TTN: variants seen among roughly 807,000 people sequenced by gnomAD.
The protein encoded by TTN is titin.
A neutral mutation model predicts 3,223.0 loss-of-function variants in TTN; 1,525 were observed. The observed-to-expected ratio is 0.47, with a 90% CI of 0.45 to 0.49. TTN has a LOEUF of 0.49. Ranked by LOEUF, TTN falls within the 20% of genes least tolerant of loss-of-function variation. The pLI is 0.00. For missense variants in TTN, 40,786 were observed against 43,424.0 expected, an observed-to-expected ratio of 0.94 and a Z score of 5.40; for synonymous variants, 14,094 against 15,161.0, an observed-to-expected ratio of 0.93 and a Z score of 5.17.
At chr2:178,615,042 C>A (rs929918165) in intron 259 of TTN, 74 bp from the exon 260 acceptor site, 4 of 1,310,640 alleles carry the variant, frequency 3.1e-6, no homozygotes, top group Middle Eastern at 2.1e-4. Flanking sequence ...CATAATCTTT[C>A]AAAAATTCAA....
chr2:178,774,583 GTATT>G, intron 29 of TTN, 110 bp from the exon 30 acceptor site: 1 of 1,021,752 alleles, frequency 9.8e-7, no homozygotes, highest in Admixed American at 2.4e-5. Flanking sequence ...ACTATCAGGT[GTATT>G]CTTAATATCT....
intron 100 of TTN, 64 bp downstream of exon 100, chr2:178,707,462 A>T (rs905986132): frequency 6.7e-7 from 1 of 1,485,136 alleles, no homozygotes; most frequent in East Asian, 2.3e-5. Flanking sequence ...GGGAAATCAT[A>T]ATAAGCAAAT....
rs756434452 is a variant in TTN at position 178,531,480 on chromosome 2, A to G, written c.105135T>C (p.Asp35045=). 14 of 1,613,794 alleles carry G rather than the reference A, an allele frequency of 8.7e-6. No individual in the cohort carries two copies. Among genetic ancestry groups the G allele is most frequent in the Non-Finnish European group, 1.1e-5 (13 of 1,179,892 alleles). ...GGAAAACAGATCTGGGGACCTCTTCATCTCTGCGTTGGGAAGCATAGGTGG... is the reference window on the plus strand; with the variant it reads ...GGAAAACAGATCTGGGGACCTCTTCGTCTCTGCGTTGGGAAGCATAGGTGG... ...DYTTYASQRR[D]EEVPRSVFPE... is the part of the protein sequence containing the mutation. Residue 35045 remains aspartate, a synonymous_variant, in exon 358 of 363, where the codon GAT becomes GAC. Coordinates refer to ENST00000589042, the MANE Select transcript of TTN (RefSeq NM_001267550.2).
chr2:178,607,410 C>G lies in TTN; in HGVS notation c.53278G>C (p.Glu17760Gln). 6.2e-7 allele frequency: 1 copy of G among 1,613,098 alleles called. No individual in the cohort carries two copies. The highest frequency in any genetic ancestry group is 1.3e-5 in the African/African-American group (1 of 74,984). The change falls in exon 277 of 363, where the codon GAA becomes CAA. Residue 17760 changes from glutamate to glutamine, a missense_variant. Coordinates refer to ENST00000589042, the MANE Select transcript of TTN (RefSeq NM_001267550.2). ...CGSKFAAARV[E>Q]VFDVPGPVLD... is the part of the protein sequence containing the mutation. Reference sequence around the variant, plus strand: ...GTGCAACATTCCTTACCAAAAACTTCTACCCTGGCTGCTGCAAATTTGGAA... The same window carrying G: ...GTGCAACATTCCTTACCAAAAACTTGTACCCTGGCTGCTGCAAATTTGGAA...
At position 178,531,663 on chromosome 2, in the gene TTN, T is replaced by G. The variant is rs1434654451; in HGVS notation, c.104952A>C (p.Glu34984Asp). ...TGTTGGTGTAATGAATCTTACTGCT[T>G]TCTTGGAGTTCCACACCATTGTGGT... ...KWYHNGVELQ[E>D]SSKIHYTNTS... The change falls in exon 358 of 363, where the codon GAA (glutamate) becomes GAC (aspartate). Residue 34984 changes from glutamate to aspartate, a missense_variant. By Grantham distance (45) the Glu-to-Asp change is conservative. Coordinates refer to ENST00000589042, the MANE Select transcript of TTN (RefSeq NM_001267550.2). 13 of 1,613,864 alleles carry G rather than the reference T, an allele frequency of 8.1e-6. No individual in the cohort carries two copies. The highest frequency in any genetic ancestry group is 1.3e-5 in the African/African-American group (1 of 74,912).
Position 178,664,114 on chromosome 2 carries a change from T to C in TTN, c.36281-16A>G. On this transcript the variant is annotated splice_polypyrimidine_tract_variant and intron_variant, in intron 168 of 362. Coordinates refer to ENST00000589042, the MANE Select transcript of TTN (RefSeq NM_001267550.2). ...GCTTCGTGCACTTGAAAGATATTAGTATTTTTACACTCAGAAAATACAGAG... is the reference window on the plus strand; with the variant it reads ...GCTTCGTGCACTTGAAAGATATTAGCATTTTTACACTCAGAAAATACAGAG... 2 of 1,597,194 alleles carry C rather than the reference T, an allele frequency of 1.3e-6. No homozygotes were observed. Among genetic ancestry groups the C allele is most frequent in the Middle Eastern group, 1.7e-4 (1 of 5,968 alleles).
In TTN at chr2:178,734,888, C is replaced by G; in HGVS notation, c.15036G>C (p.Gln5012His). 6.2e-7 allele frequency: 1 copy of G among 1,613,426 alleles called. No homozygotes were observed. The highest frequency in any genetic ancestry group is 2.2e-5 in the East Asian group (1 of 44,770). Residue 5012 changes from glutamine (Q) to histidine (H), a missense_variant, in exon 51 of 363, where the codon CAG becomes CAC. Physicochemically the swap from Gln to His is conservative, Grantham distance 24. Coordinates refer to ENST00000589042, the MANE Select transcript of TTN (RefSeq NM_001267550.2). ...HCKLKGSPVI[Q>H]VTWFKNNKEL... ...CTTTGTTATTTTTAAACCAAGTAAC[C>G]TGGATCACAGGTGAGCCTTTCAGCT...
intron 80 of TTN, 53 bp from the exon 81 acceptor site, chr2:178,720,317 C>T (rs2078149356): frequency 2.5e-6 from 4 of 1,592,912 alleles, no homozygotes; most frequent in Admixed American, 3.4e-5. Context: ...CATGGCCACA[C>T]AAGTTATTAG....
chr2:178,572,016 G>A lies in TTN; in HGVS notation c.74116C>T (p.Pro24706Ser). 3 of 1,613,160 alleles carry A rather than the reference G, an allele frequency of 1.9e-6. No individual in the cohort carries two copies. Among genetic ancestry groups the A allele is most frequent in the Non-Finnish European group, 2.5e-6 (3 of 1,179,548 alleles). ...GISDPRQLSV[P>S]VIAKDLVIPP... is the part of the protein sequence containing the mutation. The stretch of plus-strand genomic sequence containing the variant: ...ATGACAAGATCTTTGGCGATCACTG[G>A]CACACTCAGTTGTCTAGGATCACTG... Residue 24706 changes from proline (P) to serine (S), a missense_variant, in exon 326 of 363, where the codon CCA becomes TCA. Physicochemically the swap from Pro to Ser is moderately conservative, Grantham distance 74 (BLOSUM62 -1). Coordinates refer to ENST00000589042, the MANE Select transcript of TTN (RefSeq NM_001267550.2).
chr2:178,630,103 A>T, intron 239 of TTN, 138 bp downstream of exon 239: 1 of 1,229,338 alleles, frequency 8.1e-7, no homozygotes, highest in Non-Finnish European at 1.1e-6. Flanking sequence ...GGAATGTCAA[A>T]GTGGCAAATA....
intron 33 of TTN, among the ~76,000 whole-genome samples, chr2:178,772,443 G>A (rs1574600948): frequency 6.6e-6 from 1 of 152,108 alleles, no homozygotes; most frequent in East Asian, 1.9e-4. Context: ...ATGACTTCTA[G>A]TTTTTTCTGG....
rs372528823 is a variant in TTN, at chr2:178,712,424, C to T, written c.27498G>A (p.Ser9166=). ...QRCNITTTEK[S]AILEIPSSTV... ...TGCTACTTGGAATTTCCAGGATTGC[C>T]GATTTTTCAGTCGTAGTTATATTAC... Residue 9166 remains serine (S), a synonymous_variant, in exon 95 of 363, where the codon TCG becomes TCA. Coordinates refer to ENST00000589042, the MANE Select transcript of TTN (RefSeq NM_001267550.2). 2.6e-4 allele frequency: 413 copies of T among 1,613,580 alleles called. No individual in the cohort carries two copies. Among genetic ancestry groups the T allele is most frequent in the Non-Finnish European group, 3.1e-4 (371 of 1,179,778 alleles).
rs2091798259 is a variant in TTN, at chr2:178,773,260, C to T, written c.7704G>A (p.Lys2568=). The change falls in exon 33 of 363, where the codon AAG becomes AAA. Residue 2568 remains lysine (K), a synonymous_variant. Coordinates refer to ENST00000589042, the MANE Select transcript of TTN (RefSeq NM_001267550.2). ...HSGIDVLWNF[K]DKEIKPSSKY... is the part of the protein sequence containing the mutation. Reference sequence around the variant, plus strand: ...TAGAACTGGGCTTGATTTCCTTGTCCTTAAAATTCCACAGGACATCAATTC... The same window carrying T: ...TAGAACTGGGCTTGATTTCCTTGTCTTTAAAATTCCACAGGACATCAATTC... 6.2e-7 allele frequency: 1 copy of T among 1,613,804 alleles called. No homozygotes were observed. The highest frequency in any genetic ancestry group is 8.5e-7 in the Non-Finnish European group (1 of 1,179,932).
rs753444772 is a variant in TTN at position 178,776,842 on chromosome 2, G to C, written c.5022C>G (p.Ala1674=). 15 of 1,614,064 alleles carry C rather than the reference G, an allele frequency of 9.3e-6. No homozygotes were observed. The South Asian group carries it at 1.5e-4, about 17-fold the overall frequency. ...RGTYRAKEIA[A]PELEPLHLRY... ...GCAAATGGAGGGGCTCCAGTTCTGG[G>C]GCTGCAATCTCCTTTGCTCTATATG... Residue 1674 remains alanine (A), a synonymous_variant, in exon 28 of 363, where the codon GCC becomes GCG. Coordinates refer to ENST00000589042, the MANE Select transcript of TTN (RefSeq NM_001267550.2).
intron 111 of TTN, among the ~76,000 whole-genome samples, chr2:178,699,431 A>G (rs2074417248): frequency 2.8e-5 from 1 of 35,190 alleles, no homozygotes. Flanking sequence ...TTTTTTTTTG[A>G]GACGGAGTCC....
rs267607158 is a variant in TTN, at chr2:178,740,125, G to A, written c.13108C>T (p.Gln4370Ter). 1 of 1,613,804 alleles carries A rather than the reference G, an allele frequency of 6.2e-7. No individual in the cohort carries two copies. The highest frequency in any genetic ancestry group is 8.5e-7 in the Non-Finnish European group (1 of 1,179,830). The change falls in exon 48 of 363, where the codon CAG (glutamine) becomes TAG (stop). Residue 4370 changes from glutamine (Q) to a stop codon, truncating the protein, a stop_gained. Coordinates refer to ENST00000589042, the MANE Select transcript of TTN (RefSeq NM_001267550.2). LOFTEE classifies it high-confidence loss of function. ...AGAAGGTCCCTTCCCTGTACCTCCT[G>A]CACTTTCTTTATTGCCACGGGCTCT... is the stretch of plus-strand genomic sequence containing the variant. ...KREPVAIKKV[Q>*]EVQGRDLLSK...
intron 89 of TTN, 50 bp downstream of exon 89, chr2:178,715,443 A>G: frequency 1.3e-6 from 2 of 1,561,674 alleles, no homozygotes; most frequent in Non-Finnish European, 1.7e-6. Context: ...TAAGAGGACA[A>G]TTAAAGAGGA....
Position 178,569,183 on chromosome 2 carries a change from G to T in TTN, c.76949C>A (p.Ala25650Asp), listed in dbSNP as rs886042780. 14 of 1,611,674 alleles carry T rather than the reference G, an allele frequency of 8.7e-6. No individual in the cohort carries two copies. The highest frequency in any genetic ancestry group is 1.3e-5 in the African/African-American group (1 of 74,814). Residue 25650 changes from alanine to aspartate, a missense_variant, in exon 326 of 363, where the codon GCT becomes GAT. Ala to Asp is a moderately radical substitution (Grantham distance 126). Coordinates refer to ENST00000589042, the MANE Select transcript of TTN (RefSeq NM_001267550.2). The stretch of plus-strand genomic sequence containing the variant: ...ATTCTTATGGCAGTTAGTTACAACA[G>T]CAGCATATGATTTTCTTGTGGCTTC... ...KREATRKSYA[A>D]VVTNCHKNSW...
chr2:178,770,683 C>A lies in TTN; in HGVS notation c.8117-8G>T. ...TCTTCTTAATTTTGACAGCTAAAGA[C>A]AAATTTATGATTGGGTTAGAAAATA... On this transcript the variant is annotated splice_polypyrimidine_tract_variant and splice_region_variant and intron_variant, in intron 34 of 362. Transcript: ENST00000589042. The A allele has an allele frequency of 6.2e-7, 1 of 1,609,070 alleles. No homozygotes were observed.
Sources: gnomAD v4.1 joint callset for allele counts (sites outside exome capture counted in the v4.1 genomes callset) on GRCh38, gnomAD v4.1.1 for gene constraint, MANE v1.5 for transcripts, NCBI Gene and HGNC (gene_info 2026-07-23, HGNC 2026-07-21) for gene names.